RBFOX1: variants seen among roughly 807,000 people sequenced by gnomAD.
The protein encoded by RBFOX1 is RNA binding protein fox-1 homolog 1.
A neutral mutation model predicts 57.7 loss-of-function variants in RBFOX1; 8 were observed. That is an observed-to-expected ratio of 0.14 (90% CI 0.08 to 0.25). RBFOX1 has a LOEUF of 0.25. Among genes scored for constraint, RBFOX1 ranks in the 10% least tolerant of loss-of-function variants. RBFOX1 has a pLI of 1.00. For synonymous variants in RBFOX1, 326 were observed against 222.4 expected, an observed-to-expected ratio of 1.47 and a Z score of -4.15; for missense variants, 611 against 548.5, an observed-to-expected ratio of 1.11 and a Z score of -1.14.
chr16:6,471,599 C>G (rs1416031423), intron 2 of RBFOX1, among the ~76,000 whole-genome samples: 16 of 148,972 alleles, frequency 1.1e-4, no homozygotes, highest in Admixed American at 8.7e-4. Flanking sequence ...AAAAAAACCT[C>G]TAGTGGCAGA....
rs185594437 is a variant in RBFOX1, at chr16:6,630,775, G to T, written c.-63-23828G>T. Among the ~76,000 whole-genome samples the T allele has an allele frequency of 1.7e-3, 254 of 152,208 alleles. 1 individual carries two copies. The highest frequency in any genetic ancestry group is 3.1e-3 in the Non-Finnish European group (211 of 68,026). ...ATACCATGAGAAGGAGGTTGAAATT[G>T]TAGTTGACCTATGTTACCCGACCTG... On this transcript the variant is annotated intron_variant, in intron 2 of 15. Transcript: ENST00000550418.
chr16:7,119,690 C>G (rs1379965153), intron 4 of RBFOX1, among the ~76,000 whole-genome samples: 5 of 151,878 alleles, frequency 3.3e-5, no homozygotes, highest in Non-Finnish European at 7.4e-5. Context: ...TATTTATGCA[C>G]AAACTATGGG....
At chr16:7,178,849 C>G (rs577923171) in intron 4 of RBFOX1, among the ~76,000 whole-genome samples, 1 of 152,274 alleles carries the variant, frequency 6.6e-6, no homozygotes, top group South Asian at 2.1e-4. Flanking sequence ...AAGGAACATA[C>G]TTCATACTTC....
intron 4 of RBFOX1, among the ~76,000 whole-genome samples, chr16:7,190,528 T>C (rs1218412956): frequency 6.6e-6 from 1 of 152,168 alleles, no homozygotes; most frequent in East Asian, 1.9e-4. Flanking sequence ...CTCTGATCTC[T>C]ATCTGATGAG....
chr16:6,222,310 T>C (rs894260973), intron 1 of RBFOX1, among the ~76,000 whole-genome samples: 2 of 152,160 alleles, frequency 1.3e-5, no homozygotes, highest in African/African-American at 4.8e-5. Context: ...TGTCTTCCGC[T>C]CTAGAGGCTG....
intron 1 of RBFOX1, among the ~76,000 whole-genome samples, chr16:5,382,246 A>T (rs1173721038): frequency 6.6e-6 from 1 of 152,220 alleles, no homozygotes; most frequent in Non-Finnish European, 1.5e-5. Context: ...CAAGGGTACC[A>T]CATCTTTTAT....
At chr16:7,363,254 G>C (rs1034158832) in intron 4 of RBFOX1, among the ~76,000 whole-genome samples, 3 of 152,064 alleles carry the variant, frequency 2.0e-5, no homozygotes, top group Non-Finnish European at 2.9e-5. Flanking sequence ...GTTACTGGGC[G>C]GGGGGAAAAC....
At chr16:7,337,407 C>T (rs1192428277) in intron 4 of RBFOX1, among the ~76,000 whole-genome samples, 1 of 152,126 alleles carries the variant, frequency 6.6e-6, no homozygotes, top group East Asian at 1.9e-4. Context: ...AATAATACGA[C>T]TTGTTTAGTA....
chr16:5,498,597 A>C (rs188320019), intron 2 of RBFOX1, among the ~76,000 whole-genome samples: 1 of 152,158 alleles, frequency 6.6e-6, no homozygotes. Context: ...ATGTTTTAGG[A>C]GGCTGTGGCT....
At chr16:5,621,022 A>C (rs2048186102) in intron 3 of RBFOX1, among the ~76,000 whole-genome samples, 1 of 152,094 alleles carries the variant, frequency 6.6e-6, no homozygotes, top group African/African-American at 2.4e-5. Flanking sequence ...TTGTATTATC[A>C]GTAGAGGCGA....
At position 6,602,145 on chromosome 16, in the gene RBFOX1, T is replaced by G. The variant is rs116197311; in HGVS notation, c.-63-52458T>G. Among the ~76,000 whole-genome samples, 1,059 of 152,294 alleles carry G rather than the reference T, an allele frequency of 7.0e-3. 22 individuals are homozygous for G. The highest frequency in any genetic ancestry group is 0.024 in the African/African-American group (994 of 41,574). On this transcript the variant is annotated intron_variant, in intron 2 of 15. Coordinates refer to ENST00000550418, the MANE Select transcript of RBFOX1 (RefSeq NM_018723.4). ...TTGGAGAAATGTTTGTTCAAATCCT[T>G]TGCCCATTTTTTAATTTGTAGTTTG...
At chr16:7,689,076 C>G (rs1038014099) in intron 14 of RBFOX1, among the ~76,000 whole-genome samples, 1 of 151,980 alleles carries the variant, frequency 6.6e-6, no homozygotes, top group African/African-American at 2.4e-5. Context: ...TCGTCATCTA[C>G]AAGACGAGGA....
intron 1 of RBFOX1, among the ~76,000 whole-genome samples, chr16:5,405,345 G>A (rs762998815): frequency 1.3e-5 from 2 of 152,170 alleles, no homozygotes; most frequent in Admixed American, 1.3e-4. Flanking sequence ...TTCTCATGCT[G>A]TTCTCATGAT....
intron 4 of RBFOX1, among the ~76,000 whole-genome samples, chr16:6,004,023 C>G (rs903251227): frequency 2.0e-5 from 3 of 152,116 alleles, no homozygotes; most frequent in Non-Finnish European, 4.4e-5. Context: ...GCAATGCATA[C>G]AAGGTCATGT....
chr16:5,749,867 G>A (rs373097929), intron 3 of RBFOX1, among the ~76,000 whole-genome samples: 4 of 152,140 alleles, frequency 2.6e-5, no homozygotes, highest in African/African-American at 7.2e-5. Context: ...CTCTCAACTC[G>A]TCGAAGTCAT....
intron 3 of RBFOX1, among the ~76,000 whole-genome samples, chr16:5,754,063 C>T (rs527353188): frequency 6.6e-6 from 1 of 152,198 alleles, no homozygotes; most frequent in Admixed American, 6.5e-5. Context: ...GTTGATAATG[C>T]AAAACTACCT....
intron 3 of RBFOX1, among the ~76,000 whole-genome samples, chr16:5,651,374 G>T (rs1257960407): frequency 6.6e-6 from 1 of 152,048 alleles, no homozygotes; most frequent in Non-Finnish European, 1.5e-5. Flanking sequence ...TTCTTGCACA[G>T]CCATTCCTGG....
chr16:7,304,490 G>T, intron 4 of RBFOX1: 2 of 985,308 alleles, frequency 2.0e-6, no homozygotes, highest in Non-Finnish European at 1.2e-6. Context: ...CAGCAGGTAA[G>T]GCGCGCGTCT....
At chr16:6,797,856 C>G (rs1056760006) in intron 3 of RBFOX1, among the ~76,000 whole-genome samples, 2 of 152,140 alleles carry the variant, frequency 1.3e-5, no homozygotes, top group South Asian at 2.1e-4. Flanking sequence ...ACTTGAGTTG[C>G]TATCCCATTT....
Sources: allele counts gnomAD v4.1 joint callset (sites outside exome capture counted in the v4.1 genomes callset), GRCh38; gene constraint gnomAD v4.1.1; transcripts MANE v1.5; gene names NCBI Gene and HGNC (gene_info 2026-07-23, HGNC 2026-07-21).